Variants in DMXL2 observed in about 807,000 individuals in gnomAD.
DMXL2 encodes Dmx like 2.
DMXL2 carries 103 observed loss-of-function variants against 331.1 expected under a neutral mutation model. That is an observed-to-expected ratio of 0.31 (90% CI 0.27 to 0.37). The LOEUF (loss-of-function observed/expected upper bound fraction) is 0.37, where lower values mean the gene tolerates loss of function less well. Among genes scored for constraint, DMXL2 ranks in the 10% least tolerant of loss-of-function variants. The pLI is 1.00. For missense variants in DMXL2, 3,171 were observed against 3,642.9 expected (o/e 0.87, Z 3.33); for synonymous variants, 1,281 against 1,252.1 (o/e 1.02, Z -0.49).
Position 51,480,085 on chromosome 15 carries a change from G to A in DMXL2, c.6619C>T (p.Leu2207=). The change falls in exon 25 of 44, where the codon CTG becomes TTG. Residue 2207 remains leucine, a synonymous_variant. Coordinates refer to ENST00000560891, the MANE Select transcript of DMXL2 (RefSeq NM_001378457.1). Reference sequence around the variant, plus strand: ...GTTGACGCAATACTTGCTGAAAGCAGAGGTAGGGTGGTAGGCAGTGGTAGT... The same window carrying A: ...GTTGACGCAATACTTGCTGAAAGCAAAGGTAGGGTGGTAGGCAGTGGTAGT... The part of the protein sequence containing the change: ...SPLPLPTTLP[L]LSASIASTKT... 1 of 1,599,912 alleles carries A rather than the reference G, an allele frequency of 6.3e-7. No individual in the cohort carries two copies. The highest frequency in any genetic ancestry group is 8.6e-7 in the Non-Finnish European group (1 of 1,169,142).
chr15:51,466,031 T>C (rs1425651453), intron 30 of DMXL2, among the ~76,000 whole-genome samples, 153 bp downstream of exon 30: 1 of 152,144 alleles, frequency 6.6e-6, no homozygotes, highest in Admixed American at 6.6e-5. Flanking sequence ...TATGTAGACA[T>C]TGACCTCAAA....
chr15:51,454,958 G>A (rs1026802090), intron 40 of DMXL2, among the ~76,000 whole-genome samples, 193 bp downstream of exon 40: 1 of 152,148 alleles, frequency 6.6e-6, no homozygotes, highest in African/African-American at 2.4e-5. Flanking sequence ...AAGGTGAAAA[G>A]CAAGGCTTTT....
At chr15:51,496,706 T>C (rs2043205274) in intron 18 of DMXL2, among the ~76,000 whole-genome samples, 2 of 152,142 alleles carry the variant, frequency 1.3e-5, no homozygotes, top group Non-Finnish European at 1.5e-5. Context: ...ACTGCAGAGG[T>C]AATGAGAATT....
chr15:51,507,265 A>C lies in DMXL2; in HGVS notation c.2645-12T>G. The C allele has an allele frequency of 1.3e-6, 2 of 1,598,524 alleles. No individual in the cohort carries two copies. The highest frequency in any genetic ancestry group is 1.7e-6 in the Non-Finnish European group (2 of 1,174,638). On this transcript the variant is annotated splice_polypyrimidine_tract_variant and intron_variant, in intron 15 of 43. Transcript: ENST00000560891. The stretch of plus-strand genomic sequence containing the variant: ...TGGTGGGCGGTATCCTATTATTCAA[A>C]GGAAAAGGATATTTAAATTAGTATG...
chr15:51,505,354 C>T (rs79591200), intron 16 of DMXL2, among the ~76,000 whole-genome samples: 1,760 of 152,366 alleles, frequency 0.012, 26 homozygotes, highest in East Asian at 0.026. Flanking sequence ...AACTCTAGCC[C>T]TGGCTTTAGT....
intron 6 of DMXL2, among the ~76,000 whole-genome samples, chr15:51,558,626 A>C (rs985375311): frequency 6.6e-6 from 1 of 152,208 alleles, no homozygotes; most frequent in Non-Finnish European, 1.5e-5. Context: ...TATATTGTTC[A>C]TGCAACCGTT....
chr15:51,573,984 A>G (rs774382348), intron 2 of DMXL2, among the ~76,000 whole-genome samples: 1 of 152,170 alleles, frequency 6.6e-6, no homozygotes, highest in Non-Finnish European at 1.5e-5. Flanking sequence ...ATAATATAAA[A>G]TCTATGAGAA....
chr15:51,563,546 C>A, intron 5 of DMXL2, 99 bp from the exon 6 acceptor site: 1 of 714,286 alleles, frequency 1.4e-6, no homozygotes, highest in South Asian at 2.1e-5. Context: ...AAGTCAGAAT[C>A]CTCAGAATAA....
rs576957247 is a variant in DMXL2, at chr15:51,459,809, A to G, written c.7927-149T>C. 13 of 1,198,006 alleles carry G rather than the reference A, an allele frequency of 1.1e-5. No homozygotes were observed. In the Admixed American group the frequency reaches 3.2e-4, roughly 30 times the overall value. The allele number at this position is 1,198,006 out of a possible 1,614,324, so 74.2% of individuals were successfully genotyped here. A position where few individuals can be genotyped will look rare whatever the true frequency, so the allele number is the denominator to read the frequency against. ...AAATCAAGAAAAAATTAAACCGAAT[A>G]AAACAGTCATCAAATAAACACAACA... On this transcript the variant is annotated intron_variant, in intron 33 of 43. Coordinates refer to ENST00000560891, the MANE Select transcript of DMXL2 (RefSeq NM_001378457.1).
rs1167321165 is a variant in DMXL2, at chr15:51,538,077, T to C, written c.1345+136A>G. The stretch of plus-strand genomic sequence containing the variant: ...AGCAGAGTACCTGATCCAAGGCAGA[T>C]GGTCAGTAAATACTTGTGTAACAAA... On this transcript the variant is annotated intron_variant, in intron 10 of 43. Transcript: ENST00000560891. 25 of 1,116,120 alleles carry C rather than the reference T, an allele frequency of 2.2e-5. No individual in the cohort carries two copies. In the Admixed American group the frequency reaches 5.2e-4, roughly 23 times the overall value. The allele number at this position is 1,116,120 out of a possible 1,614,324, so 69.1% of individuals were successfully genotyped here.
chr15:51,507,944 T>C (rs575468387), intron 15 of DMXL2, among the ~76,000 whole-genome samples: 31 of 152,306 alleles, frequency 2.0e-4, no homozygotes, highest in African/African-American at 7.5e-4. Flanking sequence ...AAAATTAGAT[T>C]CTTCATAACT....
At chr15:51,538,546 G>C in intron 9 of DMXL2, 94 bp from the exon 10 acceptor site, 1 of 964,396 alleles carries the variant, frequency 1.0e-6, no homozygotes, top group Non-Finnish European at 1.5e-6. Context: ...AAGAAAAGGT[G>C]CTAAACAAGT....
Position 51,456,104 on chromosome 15 carries a change from T to G in DMXL2, c.8488A>C (p.Arg2830=). ...LVCFRQAGNA[R]VTRLYFNSQG... Reference sequence around the variant, plus strand: ...GAATTAAAATATAATCTAGTAACTCTTGCATTGCCAGCTTGACGAAAGCAG... The same window carrying G: ...GAATTAAAATATAATCTAGTAACTCGTGCATTGCCAGCTTGACGAAAGCAG... The change falls in exon 39 of 44, where the codon AGA becomes CGA. Residue 2830 remains arginine (R), a synonymous_variant. Transcript: ENST00000560891. The G allele has an allele frequency of 6.2e-7, 1 of 1,614,184 alleles. No individual in the cohort carries two copies. Among genetic ancestry groups the G allele is most frequent in the Non-Finnish European group, 8.5e-7 (1 of 1,180,028 alleles).
intron 40 of DMXL2, 103 bp from the exon 41 acceptor site, chr15:51,453,744 A>AG (rs2039365972): frequency 1.1e-6 from 1 of 911,536 alleles, no homozygotes; most frequent in Non-Finnish European, 1.7e-6. Context: ...GCATGAGCTA[A>AG]AAATAGTTTT....
At chr15:51,454,790 C>T (rs1314343436) in intron 40 of DMXL2, among the ~76,000 whole-genome samples, 4 of 151,710 alleles carry the variant, frequency 2.6e-5, no homozygotes, top group Admixed American at 6.6e-5. Flanking sequence ...CCACCGTGCC[C>T]GGCAGAACCT....
At chr15:51,552,699 G>A (rs1275398094) in intron 6 of DMXL2, among the ~76,000 whole-genome samples, 3 of 152,006 alleles carry the variant, frequency 2.0e-5, no homozygotes, top group African/African-American at 4.8e-5. Flanking sequence ...ATTTCTTAAT[G>A]TTTGAGGATC....
At chr15:51,556,647 C>G (rs2140998868) in intron 6 of DMXL2, among the ~76,000 whole-genome samples, 1 of 152,018 alleles carries the variant, frequency 6.6e-6, no homozygotes, top group Middle Eastern at 3.4e-3. Flanking sequence ...TGATGGGTGC[C>G]TGTAGTCCCA....
At chr15:51,578,296 T>C (rs1157891952) in intron 1 of DMXL2, among the ~76,000 whole-genome samples, 2 of 152,228 alleles carry the variant, frequency 1.3e-5, no homozygotes, top group Admixed American at 1.3e-4. Flanking sequence ...CAAAAAGACA[T>C]AAAATATTCC....
chr15:51,559,638 T>C (rs998510821), intron 6 of DMXL2, among the ~76,000 whole-genome samples: 3 of 152,096 alleles, frequency 2.0e-5, no homozygotes, highest in Non-Finnish European at 4.4e-5. Flanking sequence ...GGAGGATCGC[T>C]TGAGCCCAGG....
Sources: gnomAD v4.1 joint callset for allele counts (sites outside exome capture counted in the v4.1 genomes callset) on GRCh38, gnomAD v4.1.1 for gene constraint, MANE v1.5 for transcripts, NCBI Gene and HGNC (gene_info 2026-07-23, HGNC 2026-07-21) for gene names.